The following PCGF3 variants were observed in gnomAD, a reference collection of about 807,000 sequenced individuals.
PCGF3 encodes the protein polycomb group ring finger 3.
A neutral mutation model predicts 33.1 loss-of-function variants in PCGF3; 7 were observed. The observed-to-expected ratio is 0.21, with a 90% CI of 0.12 to 0.40. The LOEUF (loss-of-function observed/expected upper bound fraction) is 0.40, where lower values mean the gene tolerates loss of function less well. PCGF3 is among the 10% of genes least tolerant of loss of function. The pLI, the probability that PCGF3 is intolerant of heterozygous loss-of-function variation, is 1.00. For missense variants in PCGF3, 211 were observed against 313.3 expected (o/e 0.67, Z 2.46); for synonymous variants, 153 against 121.3 (o/e 1.26, Z -1.72).
rs1745021090 is a variant in PCGF3 at position 760,940 on chromosome 4, C to T, written c.463-339C>T. Among the ~76,000 whole-genome samples the T allele has an allele frequency of 1.3e-5, 2 of 152,246 alleles. 1 individual carries two copies. The highest frequency in any genetic ancestry group is 1.3e-4 in the Admixed American group (2 of 15,288). On this transcript the variant is annotated intron_variant, in intron 8 of 10. Coordinates refer to ENST00000362003, the Ensembl canonical transcript of PCGF3. Reference sequence around the variant, plus strand: ...CGCAGACACGGGGCCGCCCACTCCCCTTTGCGCCATGTTTGTCCGGACAGG... The same window carrying T: ...CGCAGACACGGGGCCGCCCACTCCCTTTTGCGCCATGTTTGTCCGGACAGG...
At chr4:743,045 T>A (rs900322333) in intron 6 of PCGF3, among the ~76,000 whole-genome samples, 1 of 152,086 alleles carries the variant, frequency 6.6e-6, no homozygotes, top group Non-Finnish European at 1.5e-5. Flanking sequence ...GAGCTGCGGG[T>A]GTCCAGGCAG....
intron 1 of PCGF3, among the ~76,000 whole-genome samples, chr4:711,871 G>A (rs1002340210): frequency 9.9e-5 from 15 of 151,560 alleles, no homozygotes; most frequent in African/African-American, 3.4e-4. Context: ...TGAGGCAGGA[G>A]AATTGCTTGA....
intron 1 of PCGF3, among the ~76,000 whole-genome samples, chr4:719,539 G>A (rs898371597): frequency 2.0e-5 from 3 of 152,254 alleles, no homozygotes; most frequent in African/African-American, 7.2e-5. Flanking sequence ...GCGGGTTGGC[G>A]AGGGAGCTGT....
At chr4:716,480 T>A (rs371505268) in intron 1 of PCGF3, among the ~76,000 whole-genome samples, 2 of 72,630 alleles carry the variant, frequency 2.8e-5, no homozygotes, top group Non-Finnish European at 6.2e-5. Context: ...GAGAACTGGG[T>A]GTCGGTGCTG....
In PCGF3 at chr4:752,378, G is replaced by A. The variant is rs550892165; in HGVS notation, c.462+7690G>A. Among the ~76,000 whole-genome samples, 5 of 152,294 alleles carry A rather than the reference G, an allele frequency of 3.3e-5. No homozygotes were observed. The East Asian group carries it at 7.7e-4, about 24-fold the overall frequency. Reference sequence around the variant, plus strand: ...GTTTTTTGCTCTCATCTTTTTTTAAGTATAAGCCATCGGTCTGTTTAATTC... The same window carrying A: ...GTTTTTTGCTCTCATCTTTTTTTAAATATAAGCCATCGGTCTGTTTAATTC... On this transcript the variant is annotated intron_variant, in intron 8 of 10. Transcript: ENST00000362003.
rs144909410 is a variant in PCGF3, at chr4:765,365, G to A, written c.681+301G>A. On this transcript the variant is annotated intron_variant, in intron 10 of 10. Transcript: ENST00000362003. ...GGAGAATGGTGTGAACCCGGGAGACGAAGCTTGCAGTGAGCCAAGATCGTG... is the reference window on the plus strand; with the variant it reads ...GGAGAATGGTGTGAACCCGGGAGACAAAGCTTGCAGTGAGCCAAGATCGTG... Among the ~76,000 whole-genome samples, 619 of 151,880 alleles carry A rather than the reference G, an allele frequency of 4.1e-3. 2 individuals carry two copies. Among genetic ancestry groups the A allele is most frequent in the African/African-American group, 0.014 (590 of 41,362 alleles).
Position 722,753 on chromosome 4 carries a change from GCGACATCGCCATCCA to G in PCGF3, c.-189-7874_-189-7860del, listed in dbSNP as rs1743155872. On this transcript the variant is annotated intron_variant, in intron 1 of 10. Transcript: ENST00000362003. ...GCCCACCCACGCCGGGTCCACACTC[GCGACATCGCCATCCA>G]CGCCGGGTCCACACTCGCGTCATCG... Among the ~76,000 whole-genome samples the G allele has an allele frequency of 6.9e-4, 48 of 69,670 alleles. 2 individuals are homozygous for G. The highest frequency in any genetic ancestry group is 1.9e-3 in the South Asian group (3 of 1,620). The allele number at this position is 69,670 out of a possible 152,430, so 45.7% of individuals were successfully genotyped here. A position where few individuals can be genotyped will look rare whatever the true frequency, so the allele number is the denominator to read the frequency against.
At chr4:730,295 C>T (rs920426390) in intron 1 of PCGF3, among the ~76,000 whole-genome samples, 1 of 152,188 alleles carries the variant, frequency 6.6e-6, no homozygotes, top group Non-Finnish European at 1.5e-5. Context: ...CTGAAATTCA[C>T]CCCTCCTCTG....
intron 8 of PCGF3, among the ~76,000 whole-genome samples, chr4:757,974 C>T (rs977774481): frequency 6.6e-6 from 1 of 152,038 alleles, no homozygotes; most frequent in African/African-American, 2.4e-5. Context: ...CAAGACCATT[C>T]TGGCCAACTT....
At chr4:754,785 T>A (rs528661895) in intron 8 of PCGF3, among the ~76,000 whole-genome samples, 1 of 152,310 alleles carries the variant, frequency 6.6e-6, no homozygotes, top group Admixed American at 6.5e-5. Flanking sequence ...GCGCAGCTGC[T>A]CTGCAGTGAG....
At position 722,791 on chromosome 4, in the gene PCGF3, TCGCCA is replaced by T. The variant is rs1196487672; in HGVS notation, c.-189-7838_-189-7834del. ...CCACGCCGGGTCCACACTCGCGTCA[TCGCCA>T]TCCACGCCGGGTCCACACTCGCGAC... On this transcript the variant is annotated intron_variant, in intron 1 of 10. Transcript: ENST00000362003. Among the ~76,000 whole-genome samples, 70 of 61,298 alleles carry T rather than the reference TCGCCA, an allele frequency of 1.1e-3. 1 individual carries two copies. The highest frequency in any genetic ancestry group is 1.9e-3 in the African/African-American group (23 of 12,198). 40.2% of individuals were successfully genotyped at this position (61,298 alleles called of 152,430 possible). A position where few individuals can be genotyped will look rare whatever the true frequency, so the allele number is the denominator to read the frequency against.
rs1203359792 is a variant in PCGF3, at chr4:710,520, CAG to C, written c.-190+4551_-190+4552del. Among the ~76,000 whole-genome samples the C allele has an allele frequency of 8.5e-5, 13 of 152,334 alleles. No homozygotes were observed. The South Asian group carries it at 2.7e-3, about 32-fold the overall frequency. On this transcript the variant is annotated intron_variant, in intron 1 of 10. Transcript: ENST00000362003. Reference sequence around the variant, plus strand: ...GCGGTGCTGTGAGCCTGGCACCTCTCAGGGCACTGGAGAGACATCCCGTAAGT... The same window carrying C: ...GCGGTGCTGTGAGCCTGGCACCTCTCGGCACTGGAGAGACATCCCGTAAGT...
At chr4:732,431 C>T (rs1382056225) in intron 3 of PCGF3, 3 of 152,838 alleles carry the variant, frequency 2.0e-5, no homozygotes, top group African/African-American at 7.3e-5. Context: ...ATCAGGTCTC[C>T]CGAACCTCAC....
intron 1 of PCGF3, among the ~76,000 whole-genome samples, chr4:709,875 G>T (rs1032902805): frequency 6.6e-6 from 1 of 152,178 alleles, no homozygotes; most frequent in Non-Finnish European, 1.5e-5. Flanking sequence ...CAGTGTAACC[G>T]CCAGGGACCT....
At chr4:733,063 GCTGCCTCCGCCCCTGCCC>G (rs1487476889) in intron 3 of PCGF3, among the ~76,000 whole-genome samples, 1,657 of 47,864 alleles carry the variant, frequency 0.035, 16 homozygotes, top group Non-Finnish European at 0.044. Context: ...CCTGCCGCGT[GCTGCCTCCGCCCCTGCCC>G]CGTGCTGCCT....
At chr4:751,607 T>C (rs1393837917) in intron 8 of PCGF3, among the ~76,000 whole-genome samples, 1 of 151,502 alleles carries the variant, frequency 6.6e-6, no homozygotes, top group Non-Finnish European at 1.5e-5. Context: ...GTGCTTTTAA[T>C]ACTAAGCATT....
chr4:720,930 G>T lies in PCGF3; in HGVS notation c.-189-9700G>T, dbSNP rs1361899749. Among the ~76,000 whole-genome samples, 1 of 152,156 alleles carries T rather than the reference G, an allele frequency of 6.6e-6. No individual in the cohort carries two copies. Among genetic ancestry groups the T allele is most frequent in the Non-Finnish European group, 1.5e-5 (1 of 68,010 alleles). On this transcript the variant is annotated intron_variant, in intron 1 of 10. Transcript: ENST00000362003. The surrounding 1 kb of genome is among the most constrained non-coding windows in gnomAD (Gnocchi z 5.6). ...GCTTGGAGAAGCCTGTCCTGGGCGG[G>T]TTTCACCACTTGGACGGGAGCTCTG...
chr4:741,542 G>C (rs1233555837), intron 6 of PCGF3, among the ~76,000 whole-genome samples: 1 of 152,176 alleles, frequency 6.6e-6, no homozygotes, highest in Non-Finnish European at 1.5e-5. Flanking sequence ...GAGTAGCTGG[G>C]ATTACAGGCA....
At chr4:755,756 GCT>G (rs1560215588) in intron 8 of PCGF3, among the ~76,000 whole-genome samples, 1 of 152,032 alleles carries the variant, frequency 6.6e-6, no homozygotes, top group Non-Finnish European at 1.5e-5. Context: ...GTCCCCCTGG[GCT>G]CTCTGCTCTG....
Sources: gnomAD v4.1 joint callset for allele counts (sites outside exome capture counted in the v4.1 genomes callset) on GRCh38, gnomAD v4.1.1 for gene constraint, Gnocchi (gnomAD v3.1) non-coding constraint, MANE v1.5 for transcripts, NCBI Gene and HGNC (gene_info 2026-07-23, HGNC 2026-07-21) for gene names.